PTGES3: variants seen among roughly 807,000 people sequenced by gnomAD.
The protein encoded by PTGES3 is Hsp90 co-chaperone.
In PTGES3, 5 loss-of-function variants were observed where a neutral mutation model predicts 29.9. That is an observed-to-expected ratio of 0.17 (90% CI 0.09 to 0.35). The LOEUF is 0.35. PTGES3 is among the 10% of genes least tolerant of loss of function. The probability of loss-of-function intolerance (pLI) is 1.00; values close to 1 mark genes in which losing one functional copy is unlikely to be tolerated. For missense variants in PTGES3, 128 were observed against 190.0 expected (o/e 0.67, Z 1.92); for synonymous variants, 49 against 57.8 (o/e 0.85, Z 0.69).
chr12:56,682,010 C>T (rs551961530), intron 1 of PTGES3, among the ~76,000 whole-genome samples: 2 of 152,152 alleles, frequency 1.3e-5, no homozygotes, highest in South Asian at 4.2e-4. Flanking sequence ...CGGTGCCCAG[C>T]TAATTTTTGT....
At chr12:56,669,409 G>C (rs570629348) in intron 5 of PTGES3, among the ~76,000 whole-genome samples, 2 of 152,038 alleles carry the variant, frequency 1.3e-5, no homozygotes, top group Non-Finnish European at 2.9e-5. Context: ...TCAGCCTTCT[G>C]AGTAGCTGAG....
At chr12:56,676,368 T>C (rs1952248161) in intron 1 of PTGES3, among the ~76,000 whole-genome samples, 1 of 152,216 alleles carries the variant, frequency 6.6e-6, no homozygotes, top group Non-Finnish European at 1.5e-5. Flanking sequence ...CATGTCTCTG[T>C]ACTTCCAGTT....
chr12:56,685,311 T>C (rs1270820188), intron 1 of PTGES3, among the ~76,000 whole-genome samples: 1 of 152,130 alleles, frequency 6.6e-6, no homozygotes, highest in Non-Finnish European at 1.5e-5. Context: ...ATATTTTAGC[T>C]GGTCTCTTCA....
chr12:56,670,924 T>C (rs1214073507), intron 4 of PTGES3, among the ~76,000 whole-genome samples: 1 of 152,120 alleles, frequency 6.6e-6, no homozygotes, highest in Non-Finnish European at 1.5e-5. Flanking sequence ...TGAGCAATAG[T>C]GGATCCTGTA....
intron 1 of PTGES3, among the ~76,000 whole-genome samples, chr12:56,678,977 A>G (rs1042864661): frequency 1.3e-4 from 20 of 152,112 alleles, no homozygotes; most frequent in African/African-American, 4.8e-4. Flanking sequence ...ATCGCTGGCC[A>G]TGGTGACACA....
chr12:56,675,678 T>C (rs552962411), intron 1 of PTGES3, among the ~76,000 whole-genome samples: 23 of 152,048 alleles, frequency 1.5e-4, no homozygotes, highest in Non-Finnish European at 2.6e-4. Context: ...TCCAGCACTT[T>C]GGGAGGCTGA....
At chr12:56,667,600 G>A (rs1429869733) in intron 5 of PTGES3, among the ~76,000 whole-genome samples, 2 of 152,180 alleles carry the variant, frequency 1.3e-5, no homozygotes, top group African/African-American at 4.8e-5. Flanking sequence ...ACTTATATGA[G>A]ATACCTAAGA....
chr12:56,685,705 G>A (rs572112432), intron 1 of PTGES3, among the ~76,000 whole-genome samples: 15 of 147,916 alleles, frequency 1.0e-4, no homozygotes, highest in African/African-American at 3.5e-4. Context: ...CGGCATGAAA[G>A]TAGCATTTTT....
intron 1 of PTGES3, among the ~76,000 whole-genome samples, chr12:56,674,463 G>C (rs752709839): frequency 1.3e-5 from 2 of 151,852 alleles, no homozygotes; most frequent in Non-Finnish European, 2.9e-5. Flanking sequence ...AGGCGAGGCA[G>C]GTGGATCACC....
At chr12:56,677,874 T>C (rs1592266917) in intron 1 of PTGES3, among the ~76,000 whole-genome samples, 2 of 152,196 alleles carry the variant, frequency 1.3e-5, no homozygotes, top group South Asian at 2.1e-4. Context: ...CCCAAGGTAG[T>C]TGTGAGTTCC....
At chr12:56,678,396 C>G (rs1952368167) in intron 1 of PTGES3, among the ~76,000 whole-genome samples, 1 of 152,012 alleles carries the variant, frequency 6.6e-6, no homozygotes, top group African/African-American at 2.4e-5. Flanking sequence ...AGGCTGGTCT[C>G]GAACTCCTGA....
intron 1 of PTGES3, among the ~76,000 whole-genome samples, chr12:56,681,367 T>G (rs1226351787): frequency 6.7e-6 from 1 of 149,272 alleles, no homozygotes; most frequent in Non-Finnish European, 1.5e-5. Context: ...TGAAACCCCG[T>G]CTCTACTAAA....
rs147115013 is a variant in PTGES3, at chr12:56,673,119, C to T, written c.3-54G>A. On this transcript the variant is annotated intron_variant, in intron 1 of 7. Transcript: ENST00000262033. The stretch of plus-strand genomic sequence containing the variant: ...AGCTGGAATTCATTAACTAAACATT[C>T]ACATACTAACCTTCGACACCATTAT... 26 of 1,210,306 alleles carry T rather than the reference C, an allele frequency of 2.1e-5. No individual in the cohort carries two copies. The African/African-American group carries it at 2.4e-4, about 11-fold the overall frequency. The allele number at this position is 1,210,306 out of a possible 1,614,324, so 75.0% of individuals were successfully genotyped here. A position where few individuals can be genotyped will look rare whatever the true frequency, so the allele number is the denominator to read the frequency against.
At chr12:56,668,379 G>GT (rs1951865679) in intron 5 of PTGES3, among the ~76,000 whole-genome samples, 1 of 152,156 alleles carries the variant, frequency 6.6e-6, no homozygotes, top group African/African-American at 2.4e-5. Flanking sequence ...CAAGAGATAT[G>GT]TAAGAGATAA....
chr12:56,665,938 T>C (rs1391153360), intron 6 of PTGES3: 1 of 1,106,906 alleles, frequency 9.0e-7, no homozygotes, highest in Admixed American at 4.8e-5. Context: ...ACTGTTATAA[T>C]TGAGTACGGT....
rs771345464 is a variant in PTGES3 at position 56,688,044 on chromosome 12, C to A, written c.-45G>T. 5.3e-6 allele frequency: 8 copies of A among 1,501,958 alleles called. No homozygotes were observed. In the South Asian group the frequency reaches 1.0e-4, roughly 19 times the overall value. The allele number at this position is 1,501,958 out of a possible 1,614,324, so 93.0% of individuals were successfully genotyped here. A position where few individuals can be genotyped will look rare whatever the true frequency, so the allele number is the denominator to read the frequency against. Reference sequence around the variant, plus strand: ...CGGGCGAACTGGTGGGCGGGCCTCTCTGGCGGCGGCTGCTGCTAGGGAGTC... The same window carrying A: ...CGGGCGAACTGGTGGGCGGGCCTCTATGGCGGCGGCTGCTGCTAGGGAGTC... On this transcript the variant is annotated 5_prime_UTR_variant, in exon 1 of 8. Transcript: ENST00000262033.
chr12:56,686,988 G>C (rs1436422835), intron 1 of PTGES3: 3 of 87,768 alleles, frequency 3.4e-5, no homozygotes, highest in Non-Finnish European at 5.8e-5. Context: ...TTAGTACCTT[G>C]AAAAATAACC....
Position 56,666,096 on chromosome 12 carries a change from T to C in PTGES3, c.438+108A>G, listed in dbSNP as rs978282509. The C allele has an allele frequency of 3.6e-6, 5 of 1,393,782 alleles. No individual in the cohort carries two copies. In the African/African-American group the frequency reaches 7.5e-5, roughly 21 times the overall value. 86.3% of individuals were successfully genotyped at this position (1,393,782 alleles called of 1,614,324 possible). On this transcript the variant is annotated intron_variant, in intron 6 of 7. Transcript: ENST00000262033. ...ATTGCTTTTCCCTTTTCTTTTTTTT[T>C]AGAAAATAAGAAGTAATTGTGAATC...
Position 56,678,128 on chromosome 12 carries a change from T to C in PTGES3, c.3-5063A>G, listed in dbSNP as rs185806826. The stretch of plus-strand genomic sequence containing the variant: ...CCAGGAACTACTTTTTTCCTTTCCA[T>C]AGCAGAACTTTGATGTCTCATTCCT... On this transcript the variant is annotated intron_variant, in intron 1 of 7. Coordinates refer to ENST00000262033, the MANE Select transcript of PTGES3 (RefSeq NM_006601.7). Among the ~76,000 whole-genome samples, 460 of 152,276 alleles carry C rather than the reference T, an allele frequency of 3.0e-3. 1 individual carries two copies. Among genetic ancestry groups the C allele is most frequent in the Non-Finnish European group, 5.3e-3 (358 of 68,012 alleles).
Sources: gnomAD v4.1 joint callset for allele counts (sites outside exome capture counted in the v4.1 genomes callset) on GRCh38, gnomAD v4.1.1 for gene constraint, MANE v1.5 for transcripts, NCBI Gene and HGNC (gene_info 2026-07-23, HGNC 2026-07-21) for gene names.